MEPE: variants seen among roughly 807,000 people sequenced by gnomAD.
MEPE encodes matrix extracellular phosphoglycoprotein, also known as matrix, extracellular phosphoglycoprotein with ASARM motif (bone).
MEPE carries 7 observed loss-of-function variants against 7.3 expected under a neutral mutation model. The observed-to-expected ratio is 0.95, with a 90% CI of 0.54 to 1.79. The LOEUF is 1.79. MEPE is among the 40% of genes most tolerant of loss of function. The pLI is 0.00. For synonymous variants in MEPE, 214 were observed against 213.1 expected (o/e 1.00, Z -0.04); for missense variants, 623 against 628.2 (o/e 0.99, Z 0.09).
At chr4:87,826,655 G>A (rs1722478196) in intron 1 of MEPE, among the ~76,000 whole-genome samples, 1 of 151,918 alleles carries the variant, frequency 6.6e-6, no homozygotes, top group Non-Finnish European at 1.5e-5. Flanking sequence ...AACATCTGTT[G>A]TTTTTTTGAC....
chr4:87,840,288 A>G (rs1722966024), intron 3 of MEPE, among the ~76,000 whole-genome samples: 1 of 152,164 alleles, frequency 6.6e-6, no homozygotes, highest in Non-Finnish European at 1.5e-5. Flanking sequence ...GGCCCTTGTC[A>G]CTACAATGAC....
rs1432833233 is a variant in MEPE, at chr4:87,845,198, T to C, written c.330T>C (p.Asn110=). 6.2e-7 allele frequency: 1 copy of C among 1,613,840 alleles called. No individual in the cohort carries two copies. Among genetic ancestry groups the C allele is most frequent in the Admixed American group, 1.7e-5 (1 of 59,962 alleles). ...TCAGTAACAAAGAGAATACTCACAA[T>C]GGCCTGAGGATGTCAATTTATCCTA... ...YSISNKENTH[N]GLRMSIYPKS... Residue 110 remains asparagine (N), a synonymous_variant, in exon 4 of 4, where the codon AAT becomes AAC. Transcript: ENST00000361056.
At chr4:87,826,844 G>T (rs1417904815) in intron 1 of MEPE, among the ~76,000 whole-genome samples, 1 of 151,942 alleles carries the variant, frequency 6.6e-6, no homozygotes, top group Non-Finnish European at 1.5e-5. Flanking sequence ...GGGGCTGTTG[G>T]TTTTTGTTTT....
intron 2 of MEPE, among the ~76,000 whole-genome samples, chr4:87,836,496 CT>C (rs1214329256): frequency 6.6e-6 from 1 of 152,102 alleles, no homozygotes; most frequent in Non-Finnish European, 1.5e-5. Flanking sequence ...ATCTGCCCAT[CT>C]CATTTTTATG....
At position 87,824,502 on chromosome 4, in the gene MEPE, G is replaced by C. The variant is rs1722415773; in HGVS notation, c.-13+3031G>C. 2.0e-5 allele frequency among the ~76,000 whole-genome samples: 3 copies of C among 152,204 alleles called. No individual in the cohort carries two copies. The South Asian group carries it at 6.2e-4, about 32-fold the overall frequency. ...ACAATTACTCAACTCTGACACTGTA[G>C]TGAAAGCAGCCATAGACAATTCGTA... On this transcript the variant is annotated intron_variant, in intron 1 of 3. Coordinates refer to the MEPE transcript ENST00000424957.
At chr4:87,838,733 G>T in intron 3 of MEPE, 48 bp downstream of exon 3, 2 of 1,535,894 alleles carry the variant, frequency 1.3e-6, no homozygotes, top group Middle Eastern at 1.7e-4. Flanking sequence ...GCTCTATAAA[G>T]AAAAAGTCAG....
chr4:87,844,664 T>C (rs1311724625), intron 3 of MEPE, among the ~76,000 whole-genome samples: 1 of 152,224 alleles, frequency 6.6e-6, no homozygotes, highest in African/African-American at 2.4e-5. Context: ...TCCCACTATG[T>C]AGGTTTATTC....
At position 87,833,876 on chromosome 4, in the gene MEPE, G is replaced by A. The variant is rs532457399; in HGVS notation, c.-12-827G>A. On this transcript the variant is annotated intron_variant, in intron 1 of 3. Coordinates refer to ENST00000361056, the MANE Select transcript of MEPE (RefSeq NM_020203.6). ...CTGTACATGGATTTTTCTGTAATAAGATAAAAGAATAGAAAGTTATTTAAG... is the reference window on the plus strand; with the variant it reads ...CTGTACATGGATTTTTCTGTAATAAAATAAAAGAATAGAAAGTTATTTAAG... Among the ~76,000 whole-genome samples, 74 of 152,230 alleles carry A rather than the reference G, an allele frequency of 4.9e-4. No homozygotes were observed. The South Asian group carries it at 0.015, about 31-fold the overall frequency.
chr4:87,845,102 T>A lies in MEPE; in HGVS notation c.234T>A (p.Ser78Arg). The A allele has an allele frequency of 6.2e-7, 1 of 1,613,738 alleles. No homozygotes were observed. The highest frequency in any genetic ancestry group is 2.2e-5 in the East Asian group (1 of 44,864). ...AAGATTTGTCCCTTTCTGAAGCCAG[T>A]GAGAATAAGGGAAGTAGTAAATCTC... Reference protein sequence around the residue: ...RKKDLSLSEASENKGSSKSQN... With the variant: ...RKKDLSLSEARENKGSSKSQN... The change falls in exon 4 of 4, where the codon AGT becomes AGA. Residue 78 changes from serine (S) to arginine (R), a missense_variant. Ser to Arg is a moderately radical substitution (Grantham distance 110, BLOSUM62 -1). Coordinates refer to ENST00000361056, the MANE Select transcript of MEPE (RefSeq NM_020203.6).
intron 2 of MEPE, among the ~76,000 whole-genome samples, chr4:87,836,323 G>A (rs1722789204): frequency 6.6e-6 from 1 of 152,092 alleles, no homozygotes; most frequent in African/African-American, 2.4e-5. Context: ...TCATCAAGAT[G>A]CAGTTAGACT....
chr4:87,842,411 C>A (rs1723049354), intron 3 of MEPE, among the ~76,000 whole-genome samples: 1 of 152,164 alleles, frequency 6.6e-6, no homozygotes, highest in Non-Finnish European at 1.5e-5. Flanking sequence ...ACATGCTTGA[C>A]AAGAGCCAAC....
At chr4:87,823,326 A>T (rs772947544) in intron 1 of MEPE, among the ~76,000 whole-genome samples, 5 of 152,090 alleles carry the variant, frequency 3.3e-5, no homozygotes, top group Non-Finnish European at 5.9e-5. Flanking sequence ...AGTCCTTCTT[A>T]CCTCCTTCAA....
upstream of MEPE, among the ~76,000 whole-genome samples, chr4:87,831,799 G>A (rs551242388): frequency 1.8e-4 from 27 of 152,084 alleles, no homozygotes; most frequent in African/African-American, 5.3e-4. Context: ...CTCTGTTCCT[G>A]GAACAAGTCA....
At position 87,845,508 on chromosome 4, in the gene MEPE, C is replaced by A. The variant is rs546864364; in HGVS notation, c.640C>A (p.His214Asn). 22 of 1,613,064 alleles carry A rather than the reference C, an allele frequency of 1.4e-5. No homozygotes were observed. The highest frequency in any genetic ancestry group is 1.1e-4 in the South Asian group (10 of 90,980). Residue 214 changes from histidine (H) to asparagine (N), a missense_variant, in exon 4 of 4, where the codon CAT (histidine) becomes AAT (asparagine). By Grantham distance (68) the His-to-Asn change is moderately conservative. Transcript: ENST00000361056. ...QKSPVKSKST[H>N]RIQHNIDYLK... ...AAGTCCAGTAAAAAGCAAAAGCACC[C>A]ATCGTATTCAACACAACATTGACTA...
At chr4:87,842,685 T>C (rs1723059435) in intron 3 of MEPE, among the ~76,000 whole-genome samples, 1 of 152,176 alleles carries the variant, frequency 6.6e-6, no homozygotes. Context: ...CACTAAACTT[T>C]TTCAAATGTT....
intron 2 of MEPE, chr4:87,837,913 C>T (rs758620831): frequency 1.3e-5 from 2 of 152,114 alleles, no homozygotes; most frequent in African/African-American, 2.4e-5. Context: ...GACAAACTGC[C>T]GAGGTCTGTT....
At chr4:87,824,544 T>G (rs1442441058) in intron 1 of MEPE, among the ~76,000 whole-genome samples, 1 of 152,230 alleles carries the variant, frequency 6.6e-6, no homozygotes, top group Non-Finnish European at 1.5e-5. Flanking sequence ...TGAACATGAC[T>G]GTGTTCCAAT....
In MEPE at chr4:87,846,465, C is replaced by G. The variant is rs368881949; in HGVS notation, c.*19C>G. 6.3e-7 allele frequency: 1 copy of G among 1,599,132 alleles called. No homozygotes were observed. Among genetic ancestry groups the G allele is most frequent in the Admixed American group, 1.7e-5 (1 of 58,450 alleles). ...TGACTAGTCCACCAGGAGTTCCCAGCGGGGTGACAGTCTGAAGACCTCGTC... is the reference window on the plus strand; with the variant it reads ...TGACTAGTCCACCAGGAGTTCCCAGGGGGGTGACAGTCTGAAGACCTCGTC... On this transcript the variant is annotated 3_prime_UTR_variant, in exon 4 of 4. Transcript: ENST00000361056.
Position 87,845,794 on chromosome 4 carries a change from G to A in MEPE, c.926G>A (p.Arg309Lys), listed in dbSNP as rs1723216340. Residue 309 changes from arginine (R) to lysine (K), a missense_variant, in exon 4 of 4, where the codon AGA (arginine) becomes AAA (lysine). By Grantham distance (26) the Arg-to-Lys change is conservative. Coordinates refer to ENST00000361056, the MANE Select transcript of MEPE (RefSeq NM_020203.6). ...KKPGYNEIPE[R>K]EENGGNTIGT... ...CCAGGTTATAATGAGATCCCAGAGA[G>A]AGAAGAAAATGGTGGAAATACCATT... 6.2e-7 allele frequency: 1 copy of A among 1,614,034 alleles called. No individual in the cohort carries two copies. Among genetic ancestry groups the A allele is most frequent in the East Asian group, 2.2e-5 (1 of 44,884 alleles).
Sources: allele counts gnomAD v4.1 joint callset (sites outside exome capture counted in the v4.1 genomes callset), GRCh38; gene constraint gnomAD v4.1.1; transcripts MANE v1.5; gene names NCBI Gene and HGNC (gene_info 2026-07-23, HGNC 2026-07-21).